Variants in MDGA2 observed in about 807,000 individuals in gnomAD.
MDGA2 encodes the protein MAM domain-containing glycosylphosphatidylinositol anchor protein 2.
In MDGA2, 40 loss-of-function variants were observed where a neutral mutation model predicts 117.8. That is an observed-to-expected ratio of 0.34 (90% CI 0.26 to 0.44). The LOEUF (loss-of-function observed/expected upper bound fraction) is 0.44, where lower values mean the gene tolerates loss of function less well. Among genes scored for constraint, MDGA2 ranks in the 20% least tolerant of loss-of-function variants. MDGA2 has a pLI of 1.00. For synonymous variants in MDGA2, 452 were observed against 439.0 expected (o/e 1.03, Z -0.37); for missense variants, 1,123 against 1,250.6 (o/e 0.90, Z 1.54).
intron 1 of MDGA2, among the ~76,000 whole-genome samples, chr14:47,416,344 C>A (rs940501873): frequency 6.6e-6 from 1 of 152,128 alleles, no homozygotes; most frequent in Non-Finnish European, 1.5e-5. Flanking sequence ...CTGAGTGAGT[C>A]CAAAACCTTA....
intron 3 of MDGA2, among the ~76,000 whole-genome samples, chr14:47,173,790 C>A (rs1044000207): frequency 1.3e-5 from 2 of 152,104 alleles, no homozygotes; most frequent in Admixed American, 1.3e-4. Flanking sequence ...ATCAAATTCA[C>A]ACATAACAAT....
At position 47,319,979 on chromosome 14, in the gene MDGA2, A is replaced by G. The variant is rs563942338; in HGVS notation, c.281-18429T>C. Among the ~76,000 whole-genome samples, 20 of 152,278 alleles carry G rather than the reference A, an allele frequency of 1.3e-4. 1 individual carries two copies. In the South Asian group the frequency reaches 2.1e-3, roughly 16 times the overall value. ...TAAGGGGGAAATTTGGACACAGACAAGCACACAAGAAGAATGCCATATAAG... is the reference window on the plus strand; with the variant it reads ...TAAGGGGGAAATTTGGACACAGACAGGCACACAAGAAGAATGCCATATAAG... On this transcript the variant is annotated intron_variant, in intron 1 of 16. Transcript: ENST00000399232.
intron 15 of MDGA2, among the ~76,000 whole-genome samples, chr14:46,853,920 A>T (rs934580021): frequency 1.3e-5 from 2 of 151,806 alleles, no homozygotes; most frequent in African/African-American, 4.8e-5. Flanking sequence ...TCATTTTCAC[A>T]ATTGTATTGA....
chr14:47,566,608 G>T (rs1197110596), intron 1 of MDGA2, among the ~76,000 whole-genome samples: 1 of 152,088 alleles, frequency 6.6e-6, no homozygotes, highest in African/African-American at 2.4e-5. Context: ...TTTCCATGGG[G>T]GTTGGGGAGA....
At chr14:47,486,386 C>G (rs1159578481) in intron 1 of MDGA2, among the ~76,000 whole-genome samples, 3 of 152,154 alleles carry the variant, frequency 2.0e-5, no homozygotes, top group African/African-American at 4.8e-5. Flanking sequence ...TAGGAAGTAA[C>G]TAACTTGCTT....
At chr14:47,442,118 A>G (rs978684753) in intron 1 of MDGA2, among the ~76,000 whole-genome samples, 2 of 152,196 alleles carry the variant, frequency 1.3e-5, no homozygotes, top group African/African-American at 4.8e-5. Context: ...GGTTGGGATC[A>G]ATTTTTAACA....
At chr14:47,515,751 G>A (rs1430718978) in intron 1 of MDGA2, among the ~76,000 whole-genome samples, 1 of 152,142 alleles carries the variant, frequency 6.6e-6, no homozygotes, top group Non-Finnish European at 1.5e-5. Flanking sequence ...TTGAAGGACA[G>A]TATATGCAGC....
intron 1 of MDGA2, among the ~76,000 whole-genome samples, chr14:47,508,222 A>T (rs1165212415): frequency 6.6e-6 from 1 of 152,108 alleles, no homozygotes; most frequent in East Asian, 1.9e-4. Flanking sequence ...TCCTTACACT[A>T]TTTCTTATAT....
chr14:47,179,336 TC>T (rs1884605078), intron 3 of MDGA2, among the ~76,000 whole-genome samples: 1 of 152,084 alleles, frequency 6.6e-6, no homozygotes, highest in African/African-American at 2.4e-5. Context: ...CTATTTTTCT[TC>T]TATTTATATT....
intron 1 of MDGA2, among the ~76,000 whole-genome samples, chr14:47,424,880 A>AT (rs1488255967): frequency 6.6e-6 from 1 of 152,114 alleles, no homozygotes; most frequent in Non-Finnish European, 1.5e-5. Context: ...CATAGTTTTT[A>AT]TTTTTCTAAC....
At chr14:47,222,762 C>T (rs1480530457) in intron 2 of MDGA2, among the ~76,000 whole-genome samples, 1 of 152,086 alleles carries the variant, frequency 6.6e-6, no homozygotes, top group Non-Finnish European at 1.5e-5. Flanking sequence ...TAGTTCAATA[C>T]AGCTATAAAT....
At chr14:47,221,867 CGATGT>C (rs1446012781) in intron 2 of MDGA2, among the ~76,000 whole-genome samples, 11 of 151,246 alleles carry the variant, frequency 7.3e-5, no homozygotes, top group South Asian at 2.1e-4. Context: ...ATTTGGGGTA[CGATGT>C]GATGTTTTAA....
chr14:47,216,964 A>C (rs1417087385), intron 3 of MDGA2, among the ~76,000 whole-genome samples: 9 of 152,000 alleles, frequency 5.9e-5, no homozygotes, highest in Admixed American at 5.9e-4. Flanking sequence ...AGGATGAAAC[A>C]AGGATTTCTC....
At chr14:47,564,224 T>C (rs1014117146) in intron 1 of MDGA2, among the ~76,000 whole-genome samples, 3 of 152,180 alleles carry the variant, frequency 2.0e-5, no homozygotes, top group Non-Finnish European at 4.4e-5. Flanking sequence ...CTGATGACTA[T>C]ATGTCTTGGG....
chr14:47,435,122 C>A (rs1194839966), intron 1 of MDGA2, among the ~76,000 whole-genome samples: 4 of 152,044 alleles, frequency 2.6e-5, no homozygotes, highest in Non-Finnish European at 4.4e-5. Flanking sequence ...GGAGACAGAG[C>A]AAGACTCCAT....
chr14:46,920,211 A>C, intron 9 of MDGA2, 51 bp from the exon 10 acceptor site: 1 of 1,541,914 alleles, frequency 6.5e-7, no homozygotes, highest in Non-Finnish European at 8.8e-7. Context: ...TTGTAGTGTA[A>C]GCATACTTAT....
At chr14:47,536,915 G>A (rs11623099) in intron 1 of MDGA2, among the ~76,000 whole-genome samples, 112,973 of 152,094 alleles carry the variant, frequency 0.74, 42,427 homozygotes, top group East Asian at 1. Flanking sequence ...TTCCCTAAAT[G>A]TATGACCTTG....
At chr14:47,279,811 C>T (rs533692673) in intron 2 of MDGA2, among the ~76,000 whole-genome samples, 1 of 152,198 alleles carries the variant, frequency 6.6e-6, no homozygotes, top group South Asian at 2.1e-4. Context: ...ATGTTGCCCC[C>T]GCCATCCCCT....
In MDGA2 at chr14:47,097,000, A is replaced by G; in HGVS notation, c.1049T>C (p.Phe350Ser). Residue 350 changes from phenylalanine (F) to serine (S), a missense_variant, in exon 6 of 17, where the codon TTT becomes TCT. By Grantham distance (155) the Phe-to-Ser change is radical. Around this residue, in one of 2 missense-constraint regions of MDGA2, gnomAD observed 890 missense variants for 1,050.3 expected, o/e 0.85. Transcript: ENST00000399232. Reference protein sequence around the residue: ...PAPSLTWVRSFGTLPEKTVLN... With the variant: ...PAPSLTWVRSSGTLPEKTVLN... Reference sequence around the variant, plus strand: ...AACAGTCTTTTCAGGCAGAGTCCCAAAGGACCTGACCCAGGTGAGAGAAGG... The same window carrying G: ...AACAGTCTTTTCAGGCAGAGTCCCAGAGGACCTGACCCAGGTGAGAGAAGG... The G allele has an allele frequency of 1.2e-6, 2 of 1,613,352 alleles. No individual in the cohort carries two copies. The highest frequency in any genetic ancestry group is 8.5e-7 in the Non-Finnish European group (1 of 1,179,500).
Sources: gnomAD v4.1 joint callset for allele counts (sites outside exome capture counted in the v4.1 genomes callset) on GRCh38, gnomAD v4.1.1 for gene constraint, gnomAD v4.1.1 regional missense constraint, MANE v1.5 for transcripts, NCBI Gene and HGNC (gene_info 2026-07-23, HGNC 2026-07-21) for gene names.